ARMC9: variants seen among roughly 807,000 people sequenced by gnomAD.
ARMC9 encodes lisH domain-containing protein ARMC9.
Under a neutral mutation model 107.0 loss-of-function variants are expected in ARMC9, and 94 were observed. The ratio of observed to expected loss-of-function variants is 0.88; its 90% CI spans 0.74 to 1.04. The LOEUF is 1.04. ARMC9 is among the 50% of genes least tolerant of loss of function. The pLI is 0.00. For synonymous variants in ARMC9, 380 were observed against 396.9 expected, an observed-to-expected ratio of 0.96 and a Z score of 0.51; for missense variants, 942 against 1,030.1, an observed-to-expected ratio of 0.91 and a Z score of 1.17.
At chr2:231,286,970 C>G (rs1290097835) in intron 17 of ARMC9, among the ~76,000 whole-genome samples, 1 of 152,204 alleles carries the variant, frequency 6.6e-6, no homozygotes, top group Admixed American at 6.5e-5. Context: ...ACCCACTCCC[C>G]AGGCCTCCTG....
intron 13 of ARMC9, among the ~76,000 whole-genome samples, chr2:231,272,017 A>G (rs538798341): frequency 2.6e-5 from 4 of 152,228 alleles, no homozygotes; most frequent in Admixed American, 6.5e-5. Context: ...AAAAAGGACA[A>G]TGCTCCCCAC....
intron 7 of ARMC9, among the ~76,000 whole-genome samples, chr2:231,230,277 G>C (rs2035085427): frequency 6.6e-6 from 1 of 151,950 alleles, no homozygotes; most frequent in Non-Finnish European, 1.5e-5. Flanking sequence ...ATGGAAGGAT[G>C]GTTTGAGCCC....
At chr2:231,232,025 C>CTTTTT (rs575702443) in intron 7 of ARMC9, among the ~76,000 whole-genome samples, 1 of 121,630 alleles carries the variant, frequency 8.2e-6, no homozygotes, top group Non-Finnish European at 1.7e-5. Context: ...TAACACATTC[C>CTTTTT]TTTTTTTTTT....
At chr2:231,214,716 C>G in intron 3 of ARMC9, 115 bp from the exon 4 acceptor site, 1 of 1,109,468 alleles carries the variant, frequency 9.0e-7, no homozygotes, top group Non-Finnish European at 1.3e-6. Context: ...CTCTATTTTT[C>G]TATCCTTTAC....
chr2:231,249,756 G>T (rs912306038), intron 9 of ARMC9, among the ~76,000 whole-genome samples: 1 of 152,034 alleles, frequency 6.6e-6, no homozygotes. Flanking sequence ...CCTAAAAAGG[G>T]TTGCGCCTGC....
intron 3 of ARMC9, among the ~76,000 whole-genome samples, chr2:231,208,956 C>T (rs555510065): frequency 3.0e-4 from 46 of 152,020 alleles, no homozygotes; most frequent in Admixed American, 2.3e-3. Flanking sequence ...GGCTGGAGTG[C>T]GGTGGTACGA....
At chr2:231,352,710 ATAGG>A (rs547927421) in intron 21 of ARMC9, among the ~76,000 whole-genome samples, 15 of 151,146 alleles carry the variant, frequency 9.9e-5, no homozygotes, top group Admixed American at 6.0e-4. Flanking sequence ...TAGATAGATG[ATAGG>A]TAGGTAGATA....
chr2:231,255,214 CACACACAA>C lies in ARMC9; in HGVS notation c.880-1370_880-1363del, dbSNP rs2037663747. On this transcript the variant is annotated intron_variant, in intron 9 of 24. Transcript: ENST00000611582. The surrounding 1 kb of genome is among the most constrained non-coding windows in gnomAD (Gnocchi z 4.7). ...ACACACACACACACACACACACACA[CACACACAA>C]AATAAATGGGACAAGAATCTCCGTA... Among the ~76,000 whole-genome samples the C allele has an allele frequency of 3.4e-5, 4 of 118,194 alleles. No homozygotes were observed. The South Asian group carries it at 7.2e-4, about 21-fold the overall frequency. The allele number at this position is 118,194 out of a possible 152,430, so 77.5% of individuals were successfully genotyped here.
At chr2:231,251,532 T>G (rs144868762) in intron 9 of ARMC9, among the ~76,000 whole-genome samples, 1 of 152,300 alleles carries the variant, frequency 6.6e-6, no homozygotes, top group African/African-American at 2.4e-5. Context: ...GCCACCATTA[T>G]GCAGATGAGG....
At chr2:231,200,739 G>GTC in intron 1 of ARMC9, among the ~76,000 whole-genome samples, 1 of 152,116 alleles carries the variant, frequency 6.6e-6, no homozygotes. Flanking sequence ...GGAGGCTGAG[G>GTC]TGGGAGAATC....
chr2:231,223,570 T>A (rs1423327237), intron 6 of ARMC9, among the ~76,000 whole-genome samples: 1 of 152,240 alleles, frequency 6.6e-6, no homozygotes, highest in Non-Finnish European at 1.5e-5. Context: ...ATGGTAAAAT[T>A]GGTCACTGTT....
intron 10 of ARMC9, among the ~76,000 whole-genome samples, chr2:231,258,177 CT>C (rs533141587): frequency 1.4e-4 from 22 of 152,184 alleles, no homozygotes; most frequent in African/African-American, 5.1e-4. Context: ...CCTAATTACT[CT>C]TTTTTTCTTT....
At chr2:231,275,042 C>T (rs79298743) in intron 14 of ARMC9, among the ~76,000 whole-genome samples, 1,886 of 152,270 alleles carry the variant, frequency 0.012, 43 homozygotes, top group African/African-American at 0.043. Context: ...AAAAATACTT[C>T]CTCCTGGTAA....
Position 231,215,072 on chromosome 2 carries a change from C to G in ARMC9, c.348+71C>G. ...GAACAGTGTTTGCTGTCATTGTCCA[C>G]ATGGGCATGGATTTCATATGTGGCT... On this transcript the variant is annotated intron_variant, in intron 4 of 24. Transcript: ENST00000611582. 3 of 1,523,794 alleles carry G rather than the reference C, an allele frequency of 2.0e-6. No individual in the cohort carries two copies. The South Asian group carries it at 3.5e-5, about 18-fold the overall frequency. 94.4% of individuals were successfully genotyped at this position (1,523,794 alleles called of 1,614,324 possible).
intron 20 of ARMC9, among the ~76,000 whole-genome samples, chr2:231,340,108 AG>A (rs2044405992): frequency 6.6e-6 from 1 of 152,234 alleles, no homozygotes; most frequent in African/African-American, 2.4e-5. Flanking sequence ...CGAAGGGAAA[AG>A]AACTGGCAGA....
chr2:231,268,503 C>G (rs1444061248), intron 12 of ARMC9, among the ~76,000 whole-genome samples: 2 of 152,066 alleles, frequency 1.3e-5, no homozygotes, highest in African/African-American at 4.8e-5. Flanking sequence ...TTTATTGATT[C>G]CTTTCACCTC....
At chr2:231,287,401 T>C (rs1165071075) in intron 17 of ARMC9, among the ~76,000 whole-genome samples, 1 of 152,212 alleles carries the variant, frequency 6.6e-6, no homozygotes, top group Non-Finnish European at 1.5e-5. Context: ...GAGTATTCTG[T>C]CTGTTGCCTT....
At chr2:231,332,505 G>A (rs2043808235) in intron 20 of ARMC9, among the ~76,000 whole-genome samples, 1 of 152,182 alleles carries the variant, frequency 6.6e-6, no homozygotes, top group South Asian at 2.1e-4. Context: ...GCATCCAAGA[G>A]GCCTGTGGAG....
intron 24 of ARMC9, chr2:231,371,137 TGCCAC>T (rs2046005148): frequency 6.0e-6 from 3 of 503,620 alleles, no homozygotes; most frequent in Non-Finnish European, 7.7e-6. Context: ...AGGAGGAAGG[TGCCAC>T]TGGGGCAGGG....
Sources: allele counts gnomAD v4.1 joint callset (sites outside exome capture counted in the v4.1 genomes callset), GRCh38; gene constraint gnomAD v4.1.1; non-coding constraint Gnocchi (gnomAD v3.1); transcripts MANE v1.5; gene names NCBI Gene and HGNC (gene_info 2026-07-23, HGNC 2026-07-21).